The following TMEM223 variants were observed in gnomAD, a reference collection of about 807,000 sequenced individuals.
TMEM223 encodes the protein transmembrane protein 223.
In TMEM223, 14 loss-of-function variants were observed where a neutral mutation model predicts 14.1. The observed-to-expected ratio is 0.99, with a 90% CI of 0.66 to 1.55. The LOEUF is 1.55. Among genes scored for constraint, TMEM223 ranks in the 40% most tolerant of loss-of-function variants. The pLI is 0.00. For synonymous variants in TMEM223, 145 were observed against 120.5 expected (o/e 1.20, Z -1.33); for missense variants, 346 against 269.9 (o/e 1.28, Z -1.97).
At chr11:62,786,958 G>A (rs2084285421), downstream of TMEM223, 2 of 1,448,286 alleles carry the variant, frequency 1.4e-6, no homozygotes, top group African/African-American at 1.5e-5. Context: ...AGGCGGCCCC[G>A]CGTCGGCCTC....
In TMEM223 at chr11:62,791,047, G is replaced by C. The variant is rs968432447; in HGVS notation, c.317-132C>G. 70 of 959,758 alleles carry C rather than the reference G, an allele frequency of 7.3e-5. 1 individual carries two copies. The South Asian group carries it at 1.2e-3, about 16-fold the overall frequency. 59.5% of individuals were successfully genotyped at this position (959,758 alleles called of 1,614,324 possible). On this transcript the variant is annotated intron_variant, in intron 1 of 1. Coordinates refer to ENST00000307366, the MANE Select transcript of TMEM223 (RefSeq NM_001080501.3). Reference sequence around the variant, plus strand: ...ACTGAGCGCTTTTTTTTTTGAGACTGAGTCTCACTCTGCCGGCCAGGCTGG... The same window carrying C: ...ACTGAGCGCTTTTTTTTTTGAGACTCAGTCTCACTCTGCCGGCCAGGCTGG...
chr11:62,790,832 T>G lies in TMEM223; in HGVS notation c.400A>C (p.Thr134Pro). The G allele has an allele frequency of 2.5e-6, 4 of 1,604,916 alleles. No individual in the cohort carries two copies. The highest frequency in any genetic ancestry group is 3.4e-6 in the Non-Finnish European group (4 of 1,175,766). The change falls in exon 2 of 2, where the codon ACC becomes CCC. Residue 134 changes from threonine to proline, a missense_variant. Physicochemically the swap from Thr to Pro is conservative, Grantham distance 38. Coordinates refer to ENST00000307366, the MANE Select transcript of TMEM223 (RefSeq NM_001080501.3). ...CCAAAGGGGGCATGAGTGGTGAGGG[T>G]CACCTGCTGCCCTCCAGCTCGAAGC... is the stretch of plus-strand genomic sequence containing the variant. ...VVLRAGGQQV[T>P]LTTHAPFGLG...
chr11:62,777,639 C>T (rs577616185), intron 1 of TMEM223, among the ~76,000 whole-genome samples: 11 of 152,212 alleles, frequency 7.2e-5, no homozygotes, highest in Non-Finnish European at 1.3e-4. Context: ...TTTTCTGGAG[C>T]GGTGAGTTGA....
downstream of TMEM223, chr11:62,789,505 C>G: frequency 6.3e-7 from 1 of 1,599,856 alleles, no homozygotes; most frequent in Non-Finnish European, 8.5e-7. Flanking sequence ...TCCTTTTATC[C>G]CCATCAGTTG....
chr11:62,778,483 C>A, intron 1 of TMEM223: 2 of 923,882 alleles, frequency 2.2e-6, no homozygotes, highest in Non-Finnish European at 3.4e-6. Flanking sequence ...CTGGGCTCTG[C>A]ATGGAGGGCT....
At chr11:62,787,822 C>G (rs2084306501), downstream of TMEM223, 3 of 664,838 alleles carry the variant, frequency 4.5e-6, no homozygotes, top group Non-Finnish European at 8.3e-6. Context: ...ACTGTGGTTC[C>G]GAAACAGAAG....
downstream of TMEM223, chr11:62,782,850 C>A: frequency 6.2e-6 from 10 of 1,613,022 alleles, no homozygotes; most frequent in Non-Finnish European, 8.5e-6. Flanking sequence ...CTTTCTCACA[C>A]AGCCGTAAGA....
intron 1 of TMEM223, among the ~76,000 whole-genome samples, chr11:62,780,718 C>G (rs1417834619): frequency 6.7e-6 from 1 of 149,506 alleles, no homozygotes; most frequent in Non-Finnish European, 1.5e-5. Context: ...TCATGTGAGG[C>G]CGGGAGTTCG....
At chr11:62,784,553 G>A (rs1418640606), downstream of TMEM223, among the ~76,000 whole-genome samples, 5 of 151,948 alleles carry the variant, frequency 3.3e-5, no homozygotes, top group Non-Finnish European at 5.9e-5. Context: ...TGATCCGCCC[G>A]CCTTGGCCTC....
downstream of TMEM223, chr11:62,786,811 G>C (rs766389869): frequency 1.2e-6 from 2 of 1,607,652 alleles, no homozygotes; most frequent in Non-Finnish European, 1.7e-6. Flanking sequence ...CGGCCAGCCT[G>C]CACCCACGGC....
downstream of TMEM223, among the ~76,000 whole-genome samples, chr11:62,788,297 G>A (rs1384208095): frequency 6.6e-6 from 1 of 152,178 alleles, no homozygotes; most frequent in Non-Finnish European, 1.5e-5. Context: ...CAGCTACTTC[G>A]GAGGCTGAGG....
chr11:62,782,898 G>T, downstream of TMEM223: 1 of 1,578,450 alleles, frequency 6.3e-7, no homozygotes, highest in East Asian at 2.3e-5. Context: ...CTTGTGCATC[G>T]TTATCTCCAA....
rs2084343435 is a variant in TMEM223, at chr11:62,790,187, C to T, written c.*436G>A. 4.4e-6 allele frequency: 4 copies of T among 907,256 alleles called. No individual in the cohort carries two copies. Among genetic ancestry groups the T allele is most frequent in the Non-Finnish European group, 6.4e-6 (4 of 626,134 alleles). 56.2% of individuals were successfully genotyped at this position (907,256 alleles called of 1,614,324 possible). On this transcript the variant is annotated 3_prime_UTR_variant, in exon 2 of 2. Transcript: ENST00000307366. The stretch of plus-strand genomic sequence containing the variant: ...GGGGGGAAACATAATGACAGGCCCC[C>T]CTCCACCTCTTCCTGCAGCTGTTTT...
intron 1 of TMEM223, chr11:62,776,567 G>A (rs2084189732): frequency 1.1e-5 from 14 of 1,254,026 alleles, no homozygotes; most frequent in Admixed American, 3.7e-5. Context: ...AAGACCAAAC[G>A]CTGCCGGGCA....
At chr11:62,787,645 CA>C, downstream of TMEM223, 1 of 1,304,890 alleles carries the variant, frequency 7.7e-7, no homozygotes, top group South Asian at 1.5e-5. Context: ...CCTGGTGAGG[CA>C]CGGCTGGCGC....
chr11:62,772,805 CAAA>C (rs770586046), intron 2 of TMEM223, among the ~76,000 whole-genome samples: 2 of 109,686 alleles, frequency 1.8e-5, no homozygotes, highest in African/African-American at 3.1e-5. Flanking sequence ...ACATCATCTC[CAAA>C]AAAAAAAAAA....
At chr11:62,777,351 T>G (rs1477114222) in intron 1 of TMEM223, among the ~76,000 whole-genome samples, 4 of 151,936 alleles carry the variant, frequency 2.6e-5, no homozygotes, top group African/African-American at 7.3e-5. Flanking sequence ...AAAAAAAGAC[T>G]AAACGCACAC....
At chr11:62,789,900 G>C (rs764312648), downstream of TMEM223, 1 of 1,613,824 alleles carries the variant, frequency 6.2e-7, no homozygotes, top group South Asian at 1.1e-5. Flanking sequence ...CTTCTTGGGT[G>C]AATTTGGTAT....
chr11:62,786,673 G>A, downstream of TMEM223: 1 of 1,611,832 alleles, frequency 6.2e-7, no homozygotes, highest in Non-Finnish European at 8.5e-7. Flanking sequence ...ACCCAGCTTT[G>A]GGTCCGGCCT....
Sources: gnomAD v4.1 joint callset for allele counts (sites outside exome capture counted in the v4.1 genomes callset) on GRCh38, gnomAD v4.1.1 for gene constraint, MANE v1.5 for transcripts, NCBI Gene and HGNC (gene_info 2026-07-23, HGNC 2026-07-21) for gene names.